The following WWOX variants were observed in gnomAD, a reference collection of about 807,000 sequenced individuals.
WWOX encodes WW domain containing oxidoreductase.
A neutral mutation model predicts 46.2 loss-of-function variants in WWOX; 69 were observed. That is an observed-to-expected ratio of 1.49 (90% CI 1.23 to 1.82). WWOX has a LOEUF of 1.82. Among genes scored for constraint, WWOX ranks in the 40% most tolerant of loss-of-function variants. The pLI is 0.00. For synonymous variants in WWOX, 359 were observed against 202.6 expected (o/e 1.77, Z -6.56); for missense variants, 919 against 542.6 (o/e 1.69, Z -6.89).
At chr16:79,026,438 A>G (rs1365615352) in intron 8 of WWOX, among the ~76,000 whole-genome samples, 2 of 151,502 alleles carry the variant, frequency 1.3e-5, no homozygotes, top group African/African-American at 4.9e-5. Flanking sequence ...CTCTCTGGGA[A>G]CTGTGTCCCC....
chr16:78,924,114 G>A (rs1398024936), intron 8 of WWOX, among the ~76,000 whole-genome samples: 1 of 152,118 alleles, frequency 6.6e-6, no homozygotes, highest in Admixed American at 6.5e-5. Flanking sequence ...GCTGTGCCCG[G>A]CTGCTAGGAA....
chr16:78,206,403 G>A (rs1414177687), intron 5 of WWOX, among the ~76,000 whole-genome samples: 1 of 152,114 alleles, frequency 6.6e-6, no homozygotes, highest in Non-Finnish European at 1.5e-5. Flanking sequence ...TAAAGGTAAA[G>A]TACCTTGGTA....
intron 8 of WWOX, among the ~76,000 whole-genome samples, chr16:79,084,378 T>A (rs1408505209): frequency 6.6e-6 from 1 of 152,194 alleles, no homozygotes; most frequent in African/African-American, 2.4e-5. Context: ...ATAAATAATG[T>A]AAAATATAAA....
At chr16:78,907,201 A>G (rs968543496) in intron 8 of WWOX, among the ~76,000 whole-genome samples, 3 of 152,118 alleles carry the variant, frequency 2.0e-5, no homozygotes, top group African/African-American at 7.2e-5. Context: ...AGGGGTGTGT[A>G]AAACCCTTGT....
At chr16:78,293,533 G>T (rs2079892326) in intron 5 of WWOX, among the ~76,000 whole-genome samples, 1 of 152,078 alleles carries the variant, frequency 6.6e-6, no homozygotes, top group African/African-American at 2.4e-5. Flanking sequence ...CTCTGAGCGG[G>T]AACTGGGCAA....
chr16:78,700,388 A>G (rs1036502814), intron 8 of WWOX, among the ~76,000 whole-genome samples: 15 of 150,244 alleles, frequency 1.0e-4, no homozygotes, highest in African/African-American at 3.7e-4. Flanking sequence ...TCTTTCATTC[A>G]TGAGAACTCC....
rs967321783 is a variant in WWOX at position 78,257,391 on chromosome 16, C to A, written c.516+93102C>A. On this transcript the variant is annotated intron_variant, in intron 5 of 8. Transcript: ENST00000566780. The stretch of plus-strand genomic sequence containing the variant: ...TGGCAGCAAACAGTATTGATGGATT[C>A]GGGGAATGCCATTTGACAGTTACAG... 2.6e-5 allele frequency among the ~76,000 whole-genome samples: 4 copies of A among 152,150 alleles called. No homozygotes were observed. In the East Asian group the frequency reaches 7.7e-4, roughly 29 times the overall value.
intron 8 of WWOX, among the ~76,000 whole-genome samples, chr16:78,608,033 T>C (rs2045804448): frequency 6.6e-6 from 1 of 152,198 alleles, no homozygotes; most frequent in African/African-American, 2.4e-5. Context: ...AACACAAATC[T>C]TATATCATTA....
intron 8 of WWOX, among the ~76,000 whole-genome samples, chr16:78,450,678 C>T (rs561021815): frequency 6.6e-5 from 10 of 152,086 alleles, no homozygotes; most frequent in Non-Finnish European, 8.8e-5. Flanking sequence ...GTTTTTTGAT[C>T]TTAGAACATA....
At chr16:78,368,828 T>C (rs1468525333) in intron 5 of WWOX, among the ~76,000 whole-genome samples, 1 of 152,198 alleles carries the variant, frequency 6.6e-6, no homozygotes, top group Admixed American at 6.5e-5. Context: ...AGAGCCAGAT[T>C]CGAATGTGGC....
chr16:78,411,152 G>T (rs917666213), intron 6 of WWOX, among the ~76,000 whole-genome samples: 1 of 152,094 alleles, frequency 6.6e-6, no homozygotes, highest in African/African-American at 2.4e-5. Context: ...AAATTCCTAG[G>T]TCTCACCCAC....
intron 5 of WWOX, among the ~76,000 whole-genome samples, chr16:78,183,057 A>G (rs17573164): frequency 0.11 from 16,126 of 152,002 alleles, 925 homozygotes; most frequent in Non-Finnish European, 0.13. Context: ...CACGGATCAC[A>G]TAGTGCATTG....
chr16:78,336,909 G>T (rs1031671151), intron 5 of WWOX, among the ~76,000 whole-genome samples: 2 of 152,096 alleles, frequency 1.3e-5, no homozygotes, highest in African/African-American at 2.4e-5. Context: ...CTCCTGAGTA[G>T]CTGGGATTAC....
At chr16:78,749,656 G>C (rs760353774) in intron 8 of WWOX, among the ~76,000 whole-genome samples, 8 of 152,146 alleles carry the variant, frequency 5.3e-5, no homozygotes, top group Non-Finnish European at 7.4e-5. Flanking sequence ...TTCTGGTCTA[G>C]CTAAGGAGGA....
chr16:78,414,370 A>AC (rs1439768288), intron 6 of WWOX, among the ~76,000 whole-genome samples: 1 of 152,140 alleles, frequency 6.6e-6, no homozygotes, highest in East Asian at 1.9e-4. Flanking sequence ...GGAGTTCAAG[A>AC]CCAGCCTGGC....
intron 8 of WWOX, among the ~76,000 whole-genome samples, chr16:78,966,899 A>G (rs534563128): frequency 6.6e-6 from 1 of 152,312 alleles, no homozygotes; most frequent in East Asian, 1.9e-4. Flanking sequence ...GTGGAGATTG[A>G]ATGAGTTTGT....
intron 5 of WWOX, among the ~76,000 whole-genome samples, chr16:78,375,569 G>T (rs943568067): frequency 3.3e-5 from 5 of 152,104 alleles, no homozygotes; most frequent in African/African-American, 9.7e-5. Flanking sequence ...GTGAATTATT[G>T]GTTGTTTTGC....
intron 8 of WWOX, among the ~76,000 whole-genome samples, chr16:78,667,545 C>A (rs182303041): frequency 4.0e-5 from 6 of 151,878 alleles, no homozygotes; most frequent in East Asian, 2.0e-4. Context: ...GTGGCAGGCA[C>A]CTGTAGTCCC....
At chr16:78,131,264 G>C (rs72802982) in intron 4 of WWOX, among the ~76,000 whole-genome samples, 1 of 152,084 alleles carries the variant, frequency 6.6e-6, no homozygotes, top group Non-Finnish European at 1.5e-5. Context: ...CCAGGCTTCA[G>C]TGCATCAGCG....
Sources: gnomAD v4.1 joint callset for allele counts (sites outside exome capture counted in the v4.1 genomes callset) on GRCh38, gnomAD v4.1.1 for gene constraint, MANE v1.5 for transcripts, NCBI Gene and HGNC (gene_info 2026-07-23, HGNC 2026-07-21) for gene names.